Variants in IZUMO1 observed in about 807,000 individuals in gnomAD.
IZUMO1 encodes the protein izumo sperm-oocyte fusion 1, also known as izumo sperm-egg fusion protein 1.
In IZUMO1, 44 loss-of-function variants were observed where a neutral mutation model predicts 40.7. The observed-to-expected ratio is 1.08, with a 90% CI of 0.85 to 1.39. The LOEUF is 1.39. IZUMO1 is among the 40% of genes most tolerant of loss of function. The probability of loss-of-function intolerance (pLI) is 0.00; values close to 1 mark genes in which losing one functional copy is unlikely to be tolerated. For synonymous variants in IZUMO1, 149 were observed against 170.9 expected (o/e 0.87, Z 1.00); for missense variants, 368 against 436.9 (o/e 0.84, Z 1.41).
rs765399183 is a variant in IZUMO1, at chr19:48,745,798, C to A, written c.62G>T (p.Gly21Val). 1 of 1,614,216 alleles carries A rather than the reference C, an allele frequency of 6.2e-7. No homozygotes were observed. The highest frequency in any genetic ancestry group is 1.1e-5 in the South Asian group (1 of 91,080). The change falls in exon 2 of 10, where the codon GGG (glycine) becomes GTG (valine). Residue 21 changes from glycine to valine, a missense_variant. Coordinates refer to ENST00000332955, the MANE Select transcript of IZUMO1 (RefSeq NM_182575.3). ...GACAGACGGGTCACATATAACACAC[C>A]CCTCGGCAGGAAGCAAGCAACCGGC... ...ALAGCLLPAEGCVICDPSVVL... is the reference protein window; with the variant it reads ...ALAGCLLPAEVCVICDPSVVL...
At chr19:48,745,165 G>C in intron 3 of IZUMO1, 49 bp downstream of exon 3, 10 of 1,488,208 alleles carry the variant, frequency 6.7e-6, no homozygotes, top group Non-Finnish European at 9.4e-6. Context: ...CATCACTAAC[G>C]CTGGCTTCTC....
chr19:48,744,381 A>C, intron 4 of IZUMO1, 72 bp downstream of exon 4: 1 of 1,313,134 alleles, frequency 7.6e-7, no homozygotes, highest in Non-Finnish European at 1.1e-6. Context: ...TGGAGAAGTA[A>C]GGGGCTGGAG....
In IZUMO1 at chr19:48,746,770, G is replaced by A. The variant is rs75493092; in HGVS notation, c.-409C>T. On this transcript the variant is annotated 5_prime_UTR_variant, in exon 1 of 10. Transcript: ENST00000332955. ...TAAAATCAAGGATTGTGTTGGGGAC[G>A]AGGGTAAGGTTGGTTGCGTGAAATC... The A allele has an allele frequency of 5.1e-6, 5 of 985,276 alleles. No individual in the cohort carries two copies. The African/African-American group carries it at 8.7e-5, about 17-fold the overall frequency. 61.0% of individuals were successfully genotyped at this position (985,276 alleles called of 1,614,324 possible).
At chr19:48,744,705 T>C (rs1053443838) in intron 3 of IZUMO1, among the ~76,000 whole-genome samples, 166 bp from the exon 4 acceptor site, 1 of 148,062 alleles carries the variant, frequency 6.8e-6, no homozygotes, top group Non-Finnish European at 1.5e-5. Flanking sequence ...TTTTGGGGGA[T>C]GGGGGAGGGT....
In IZUMO1 at chr19:48,741,612, A is replaced by G. The variant is rs1772442624; in HGVS notation, c.755-134T>C. ...ACAGTGTCAAGCCTGAACACACCCA[A>G]GGGAACCCCTGTCCTCGGGGCCAGA... On this transcript the variant is annotated intron_variant, in intron 8 of 9. Coordinates refer to ENST00000332955, the MANE Select transcript of IZUMO1 (RefSeq NM_182575.3). The surrounding 1 kb of genome is among the most constrained non-coding windows in gnomAD (Gnocchi z 4.4). 6 of 1,268,310 alleles carry G rather than the reference A, an allele frequency of 4.7e-6. No individual in the cohort carries two copies. Among genetic ancestry groups the G allele is most frequent in the East Asian group, 2.4e-5 (1 of 42,440 alleles). 78.6% of individuals were successfully genotyped at this position (1,268,310 alleles called of 1,614,324 possible).
At chr19:48,743,547 T>C in intron 5 of IZUMO1, 22 bp from the exon 6 acceptor site, 1 of 1,581,358 alleles carries the variant, frequency 6.3e-7, no homozygotes, top group Non-Finnish European at 8.7e-7. Context: ...GGGTCAAGGC[T>C]TGTATTTGCC....
intron 5 of IZUMO1, 59 bp from the exon 6 acceptor site, chr19:48,743,584 G>C: frequency 7.4e-7 from 1 of 1,353,254 alleles, no homozygotes; most frequent in South Asian, 1.2e-5. Flanking sequence ...TAAAAGGAGA[G>C]GTCAGGGCTA....
intron 5 of IZUMO1, 38 bp downstream of exon 5, chr19:48,744,137 G>C (rs779798613): frequency 2.5e-6 from 4 of 1,598,738 alleles, no homozygotes; most frequent in Non-Finnish European, 8.6e-7. Flanking sequence ...ACTATTCAGA[G>C]GGCAGGATGA....
chr19:48,743,277 C>T (rs1410639005), intron 6 of IZUMO1, 168 bp downstream of exon 6: 1 of 624,892 alleles, frequency 1.6e-6, no homozygotes, highest in African/African-American at 1.8e-5. Flanking sequence ...CCTCCCGTCT[C>T]AGCCTCTCGA....
chr19:48,745,148 G>T, intron 3 of IZUMO1, 66 bp downstream of exon 3: 1 of 1,320,530 alleles, frequency 7.6e-7, no homozygotes, highest in South Asian at 1.2e-5. Flanking sequence ...CTGACCAAGA[G>T]ACCAGGCATC....
chr19:48,741,020 C>A lies in IZUMO1; in HGVS notation c.941G>T (p.Arg314Leu), dbSNP rs375884119. Residue 314 changes from arginine to leucine, a missense_variant, in exon 10 of 10, where the codon CGT becomes CTT. Physicochemically the swap from Arg to Leu is moderately radical, Grantham distance 102. Transcript: ENST00000332955. This position sits in a 1 kb window ranked among gnomAD's most constrained non-coding sequence, Gnocchi z 4.4. ...LITGLTFAIF[R>L]RRKVIDFIKS... ...GATGAAATCGATCACCTTCCTTCGA[C>A]GAAATATCCTAGGGGTGGGAGTGGG... 15 of 1,613,858 alleles carry A rather than the reference C, an allele frequency of 9.3e-6. No individual in the cohort carries two copies. Among genetic ancestry groups the A allele is most frequent in the African/African-American group, 1.3e-5 (1 of 74,914 alleles).
chr19:48,744,799 G>A (rs994921151), intron 3 of IZUMO1, among the ~76,000 whole-genome samples: 4 of 151,798 alleles, frequency 2.6e-5, no homozygotes, highest in South Asian at 2.1e-4. Flanking sequence ...CAATCCCCCC[G>A]CCTCAACCCC....
chr19:48,744,220 A>C, intron 4 of IZUMO1, 25 bp from the exon 5 acceptor site: 1 of 1,609,082 alleles, frequency 6.2e-7, no homozygotes, highest in Non-Finnish European at 8.5e-7. Flanking sequence ...AAAAAAAGAG[A>C]GCAAGAAAGA....
chr19:48,746,259 T>C (rs1220252729), intron 1 of IZUMO1, 176 bp downstream of exon 1: 2 of 1,060,518 alleles, frequency 1.9e-6, no homozygotes, highest in Non-Finnish European at 2.3e-6. Context: ...AGTCCCCAGA[T>C]TGACGTGAGC....
Position 48,741,222 on chromosome 19 carries a change from G to T in IZUMO1, c.932+79C>A. 3 of 1,468,820 alleles carry T rather than the reference G, an allele frequency of 2.0e-6. No homozygotes were observed. In the South Asian group the frequency reaches 3.9e-5, roughly 19 times the overall value. The allele number at this position is 1,468,820 out of a possible 1,614,324, so 91.0% of individuals were successfully genotyped here. ...TGCTCTCAGGCCTCAGTAGCCCCCA[G>T]ACCAGCTTCTGTGTTGGGTTCCTGG... On this transcript the variant is annotated intron_variant, in intron 9 of 9. Coordinates refer to ENST00000332955, the MANE Select transcript of IZUMO1 (RefSeq NM_182575.3). This position sits in a 1 kb window ranked among gnomAD's most constrained non-coding sequence, Gnocchi z 4.4.
Position 48,743,446 on chromosome 19 carries a change from C to T in IZUMO1, c.498G>A (p.Gly166=), listed in dbSNP as rs2122518066. The change falls in exon 6 of 10, where the codon GGG becomes GGA. Residue 166 remains glycine, a splice_region_variant and synonymous_variant. Coordinates refer to ENST00000332955, the MANE Select transcript of IZUMO1 (RefSeq NM_182575.3). The part of the protein sequence containing the change: ...VHACRKSYDC[G]ERNVEVPQME... ...TCCTGCTGGGTCCAGTTCTCTCACC[C>T]CCGCAATCGTAGGACTTTCGACAAG... 3.7e-6 allele frequency: 6 copies of T among 1,614,130 alleles called. No individual in the cohort carries two copies. The highest frequency in any genetic ancestry group is 5.1e-6 in the Non-Finnish European group (6 of 1,179,978).
At chr19:48,743,395 C>T (rs1275446527) in intron 6 of IZUMO1, 50 bp downstream of exon 6, 9 of 1,587,280 alleles carry the variant, frequency 5.7e-6, no homozygotes, top group South Asian at 2.2e-5. Context: ...CCTCTCCTCT[C>T]GCCCCACCCC....
Position 48,741,283 on chromosome 19 carries a change from C to CT in IZUMO1, c.932+17dup. 6.4e-7 allele frequency: 1 copy of CT among 1,572,364 alleles called. No homozygotes were observed. The highest frequency in any genetic ancestry group is 8.6e-7 in the Non-Finnish European group (1 of 1,160,012). ...CCTTACTCCAAGCCAAGCCTGTCTT[C>CT]TTCAATGGGTTGCTTACGCAAAGGT... On this transcript the variant is annotated intron_variant, in intron 9 of 9. Transcript: ENST00000332955. The surrounding 1 kb of genome is among the most constrained non-coding windows in gnomAD (Gnocchi z 4.4).
Position 48,744,515 on chromosome 19 carries a change from A to G in IZUMO1, c.335T>C (p.Phe112Ser). ...TTCCTTTTGCAAGTGCAACATCCAA[A>G]ATAGCTCCTTCACGAAGAGATCGCC... Reference protein sequence around the residue: ...VKGDLFVKELFWMLHLQKETF... With the variant: ...VKGDLFVKELSWMLHLQKETF... Residue 112 changes from phenylalanine to serine, a missense_variant, in exon 4 of 10, where the codon TTT becomes TCT. Phe to Ser is a radical substitution (Grantham distance 155). Coordinates refer to ENST00000332955, the MANE Select transcript of IZUMO1 (RefSeq NM_182575.3). 1 of 1,613,828 alleles carries G rather than the reference A, an allele frequency of 6.2e-7. No individual in the cohort carries two copies. The highest frequency in any genetic ancestry group is 8.5e-7 in the Non-Finnish European group (1 of 1,179,726).
Sources: gnomAD v4.1 joint callset for allele counts (sites outside exome capture counted in the v4.1 genomes callset) on GRCh38, gnomAD v4.1.1 for gene constraint, Gnocchi (gnomAD v3.1) non-coding constraint, MANE v1.5 for transcripts, NCBI Gene and HGNC (gene_info 2026-07-23, HGNC 2026-07-21) for gene names.